The following CMIP variants were observed in gnomAD, a reference collection of about 807,000 sequenced individuals.
The protein encoded by CMIP is C-Maf-inducing protein.
Under a neutral mutation model 97.3 loss-of-function variants are expected in CMIP, and 13 were observed. The ratio of observed to expected loss-of-function variants is 0.13; its 90% CI spans 0.09 to 0.21. The LOEUF is 0.21. Among genes scored for constraint, CMIP ranks in the 10% least tolerant of loss-of-function variants. CMIP has a pLI of 1.00. For synonymous variants in CMIP, 538 were observed against 436.3 expected, an observed-to-expected ratio of 1.23 and a Z score of -2.91; for missense variants, 847 against 1,024.9, an observed-to-expected ratio of 0.83 and a Z score of 2.37.
chr16:81,665,262 A>G (rs559774043), intron 7 of CMIP: 2 of 152,164 alleles, frequency 1.3e-5, no homozygotes, highest in East Asian at 1.9e-4. Context: ...AGCAAATGCC[A>G]TTATTTGCCC....
At chr16:81,518,861 G>C (rs1389720697) in intron 1 of CMIP, 1 of 129,788 alleles carries the variant, frequency 7.7e-6, no homozygotes, top group African/African-American at 3.0e-5. Flanking sequence ...TTTTGAGACA[G>C]AGTCTCACTC....
At chr16:81,613,204 G>C (rs2091860029) in intron 2 of CMIP, among the ~76,000 whole-genome samples, 1 of 152,198 alleles carries the variant, frequency 6.6e-6, no homozygotes, top group African/African-American at 2.4e-5. Flanking sequence ...GCTTCCCTTA[G>C]TTTCAAGGTG....
chr16:81,667,793 AGAGAGAGTGTGTGTGTGTGT>A (rs1423701586), intron 7 of CMIP, among the ~76,000 whole-genome samples: 127 of 89,552 alleles, frequency 1.4e-3, no homozygotes, highest in African/African-American at 5.5e-3. Context: ...AGAGAGAGAG[AGAGAGAGTGTGTGTGTGTGT>A]GTGTGTGTGT....
At chr16:81,665,957 A>C (rs1387049770) in intron 7 of CMIP, 1 of 152,188 alleles carries the variant, frequency 6.6e-6, no homozygotes, top group African/African-American at 2.4e-5. Context: ...CAAACTGTAA[A>C]TGAATTGTTG....
chr16:81,540,503 A>G (rs2090428049), intron 1 of CMIP, among the ~76,000 whole-genome samples: 1 of 151,788 alleles, frequency 6.6e-6, no homozygotes, highest in Admixed American at 6.6e-5. Flanking sequence ...GGTTTTTGCC[A>G]TTGCCCAGGC....
chr16:81,607,739 A>G (rs771498390), intron 2 of CMIP, 47 bp downstream of exon 2: 2 of 1,599,690 alleles, frequency 1.3e-6, no homozygotes, highest in Non-Finnish European at 8.6e-7. Flanking sequence ...CCTCATCTTC[A>G]TGCACTTGTG....
intron 3 of CMIP, among the ~76,000 whole-genome samples, chr16:81,650,631 C>T (rs921657653): frequency 3.9e-5 from 6 of 152,194 alleles, no homozygotes; most frequent in South Asian, 2.1e-4. Context: ...CTAGGTTTTA[C>T]GTTTCATCTC....
chr16:81,676,023 A>G (rs1008202545), intron 9 of CMIP, among the ~76,000 whole-genome samples: 1 of 152,142 alleles, frequency 6.6e-6, no homozygotes, highest in African/African-American at 2.4e-5. Context: ...AAGGGACGTG[A>G]TGGGATTTCA....
At chr16:81,664,604 G>T (rs144123118) in intron 7 of CMIP, 2 of 586,250 alleles carry the variant, frequency 3.4e-6, no homozygotes, top group Admixed American at 3.0e-5. Context: ...GAAGAGGAAA[G>T]CCTCCCGGGA....
At chr16:81,496,868 A>G (rs967872462) in intron 1 of CMIP, among the ~76,000 whole-genome samples, 3 of 152,276 alleles carry the variant, frequency 2.0e-5, no homozygotes, top group Non-Finnish European at 2.9e-5. Flanking sequence ...CAAGTTCAAG[A>G]GGGAGAAGCC....
At chr16:81,538,563 A>T (rs2090390053) in intron 1 of CMIP, among the ~76,000 whole-genome samples, 1 of 152,154 alleles carries the variant, frequency 6.6e-6, no homozygotes, top group African/African-American at 2.4e-5. Context: ...TTTGATAGGA[A>T]GTTGATTTGA....
At chr16:81,578,216 C>T (rs1476947932) in intron 1 of CMIP, among the ~76,000 whole-genome samples, 1 of 151,842 alleles carries the variant, frequency 6.6e-6, no homozygotes, top group Non-Finnish European at 1.5e-5. Flanking sequence ...TCATCACCAC[C>T]ATCATAACCA....
chr16:81,456,965 T>TGGG (rs1164186390), intron 1 of CMIP, among the ~76,000 whole-genome samples: 6 of 152,144 alleles, frequency 3.9e-5, no homozygotes, highest in African/African-American at 1.4e-4. Flanking sequence ...TCGTTGAACC[T>TGGG]GGGGTGGTCA....
chr16:81,653,340 G>T (rs577893769), intron 4 of CMIP, among the ~76,000 whole-genome samples: 2 of 152,308 alleles, frequency 1.3e-5, no homozygotes, highest in Admixed American at 6.5e-5. Flanking sequence ...GCCGCTGCCC[G>T]TGGGACGGGG....
intron 3 of CMIP, among the ~76,000 whole-genome samples, chr16:81,649,980 T>C (rs1008757435): frequency 5.3e-5 from 8 of 152,236 alleles, no homozygotes; most frequent in Admixed American, 5.2e-4. Flanking sequence ...TCAGGCAGCG[T>C]GTCCTGCTCA....
At chr16:81,539,183 G>A (rs1269781302) in intron 1 of CMIP, among the ~76,000 whole-genome samples, 1 of 152,210 alleles carries the variant, frequency 6.6e-6, no homozygotes, top group African/African-American at 2.4e-5. Context: ...AGCCTCCTGT[G>A]AGAAAGAAAT....
chr16:81,510,208 C>T (rs62046586), intron 1 of CMIP, among the ~76,000 whole-genome samples: 40 of 152,120 alleles, frequency 2.6e-4, no homozygotes, highest in Middle Eastern at 6.8e-3. Context: ...AAGGTCTGAT[C>T]GGGGACGAGG....
intron 1 of CMIP, among the ~76,000 whole-genome samples, chr16:81,448,939 C>T (rs917031772): frequency 5.3e-5 from 8 of 152,192 alleles, no homozygotes; most frequent in Non-Finnish European, 1.0e-4. Flanking sequence ...TGGTGATGGT[C>T]GTGTTGGTTG....
At chr16:81,468,443 G>A (rs530937638) in intron 1 of CMIP, among the ~76,000 whole-genome samples, 3 of 152,370 alleles carry the variant, frequency 2.0e-5, no homozygotes, top group East Asian at 1.9e-4. Context: ...GGAACCTTCC[G>A]CACCTTGTAG....
Sources: gnomAD v4.1 joint callset for allele counts (sites outside exome capture counted in the v4.1 genomes callset) on GRCh38, gnomAD v4.1.1 for gene constraint, MANE v1.5 for transcripts, NCBI Gene and HGNC (gene_info 2026-07-23, HGNC 2026-07-21) for gene names.